Variants in NOTCH4 observed in about 807,000 individuals in gnomAD.
NOTCH4 encodes neurogenic locus notch homolog protein 4.
In NOTCH4, 138 loss-of-function variants were observed where a neutral mutation model predicts 189.0. The ratio of observed to expected loss-of-function variants is 0.73; its 90% confidence interval spans 0.64 to 0.84. The LOEUF (loss-of-function observed/expected upper bound fraction) is 0.84. Among genes scored for constraint, NOTCH4 ranks in the 40% least tolerant of loss-of-function variants. The probability of loss-of-function intolerance (pLI) is 0.00; values close to 1 mark genes in which losing one functional copy is unlikely to be tolerated. For missense variants in NOTCH4, 2,286 were observed against 2,605.4 expected, an observed-to-expected ratio of 0.88 and a Z score of 2.67; for synonymous variants, 942 against 1,032.8, an observed-to-expected ratio of 0.91 and a Z score of 1.69.
At chr6:32,204,530 G>T in intron 18 of NOTCH4, 141 bp from the exon 19 acceptor site, 1 of 915,412 alleles carries the variant, frequency 1.1e-6, no homozygotes, top group Non-Finnish European at 1.6e-6. Context: ...TCATGGCCAT[G>T]TGTCACAATC....
chr6:32,200,907 A>G lies in NOTCH4; in HGVS notation c.4239T>C (p.Ala1413=). ...WDPGLLLRFL[A]AMAAVGALEP... ...CCAGGGCTCCCACTGCAGCCATCGC[A>G]GCAAGGAAGCGGAGTAGAAGCCCAG... Residue 1413 remains alanine (A), a synonymous_variant, in exon 23 of 30, where the codon GCT becomes GCC. Coordinates refer to ENST00000375023, the MANE Select transcript of NOTCH4 (RefSeq NM_004557.4). This position sits in a 1 kb window ranked among gnomAD's most constrained non-coding sequence, Gnocchi z 5.0. 1 of 1,609,206 alleles carries G rather than the reference A, an allele frequency of 6.2e-7. No individual in the cohort carries two copies. The highest frequency in any genetic ancestry group is 8.5e-7 in the Non-Finnish European group (1 of 1,178,264).
At position 32,198,515 on chromosome 6, in the gene NOTCH4, C is replaced by CA. The variant is rs1356891568; in HGVS notation, c.4661dup (p.Ser1555GlufsTer20). 5 of 1,612,884 alleles carry CA rather than the reference C, an allele frequency of 3.1e-6. No homozygotes were observed. The highest frequency in any genetic ancestry group is 4.2e-6 in the Non-Finnish European group (5 of 1,180,020). On this transcript the variant is annotated frameshift_variant, in exon 26 of 30. Coordinates refer to ENST00000375023, the MANE Select transcript of NOTCH4 (RefSeq NM_004557.4). LOFTEE classifies it high-confidence loss of function. This position sits in a 1 kb window ranked among gnomAD's most constrained non-coding sequence, Gnocchi z 5.5. ...GAGGGAGCGCCCCACAGCCACCACT[C>CA]AGAGACCAGAGCTGGCACGTGGAGG...
Position 32,202,660 on chromosome 6 carries a change from A to C in NOTCH4, c.3232-61T>G. On this transcript the variant is annotated intron_variant, in intron 20 of 29. Coordinates refer to ENST00000375023, the MANE Select transcript of NOTCH4 (RefSeq NM_004557.4). This position sits in a 1 kb window ranked among gnomAD's most constrained non-coding sequence, Gnocchi z 5.7. ...TGCATTATTCTTCCCGCTCTCCATCAAGCAAACTCTTGGGTTAAGACGGTG... is the reference window on the plus strand; with the variant it reads ...TGCATTATTCTTCCCGCTCTCCATCCAGCAAACTCTTGGGTTAAGACGGTG... The C allele has an allele frequency of 6.8e-7, 1 of 1,463,808 alleles. No individual in the cohort carries two copies. Among genetic ancestry groups the C allele is most frequent in the South Asian group, 1.4e-5 (1 of 74,036 alleles). 90.7% of individuals were successfully genotyped at this position (1,463,808 alleles called of 1,614,324 possible). A position where few individuals can be genotyped will look rare whatever the true frequency, so the allele number is the denominator to read the frequency against.
intron 13 of NOTCH4, 90 bp downstream of exon 13, chr6:32,214,020 G>A (rs1561937212): frequency 6.7e-7 from 1 of 1,485,104 alleles, no homozygotes; most frequent in African/African-American, 1.4e-5. Context: ...CCTTAGTGGT[G>A]ACTGAGACTC....
intron 12 of NOTCH4, among the ~76,000 whole-genome samples, chr6:32,214,484 T>TATATATACAC (rs28383875): frequency 7.1e-6 from 1 of 141,176 alleles, no homozygotes; most frequent in African/African-American, 2.8e-5. Context: ...TATATATATA[T>TATATATACAC]ACACACATAT....
rs575962331 is a variant in NOTCH4 at position 32,202,931 on chromosome 6, G to T, written c.3232-332C>A. 9.2e-4 allele frequency: 179 copies of T among 193,614 alleles called. 2 individuals are homozygous for T. Among genetic ancestry groups the T allele is most frequent in the African/African-American group, 3.7e-3 (159 of 43,162 alleles). 12.0% of individuals were successfully genotyped at this position (193,614 alleles called of 1,614,324 possible). Reference sequence around the variant, plus strand: ...TTATTATTATTATTTTTGAGACAGAGTTTCGCTCTTGTTGTCCAGGCTGGA... The same window carrying T: ...TTATTATTATTATTTTTGAGACAGATTTTCGCTCTTGTTGTCCAGGCTGGA... On this transcript the variant is annotated intron_variant, in intron 20 of 29. Coordinates refer to ENST00000375023, the MANE Select transcript of NOTCH4 (RefSeq NM_004557.4). The surrounding 1 kb of genome is among the most constrained non-coding windows in gnomAD (Gnocchi z 5.7).
intron 28 of NOTCH4, 83 bp from the exon 29 acceptor site, chr6:32,196,504 G>A: frequency 3.3e-6 from 5 of 1,536,270 alleles, no homozygotes; most frequent in Non-Finnish European, 4.4e-6. Flanking sequence ...TGGCCTTGGG[G>A]GAAGGGCTAT....
Position 32,223,880 on chromosome 6 carries a change from A to G in NOTCH4, c.49T>C (p.Cys17Arg), listed in dbSNP as rs1789957273. 2 of 1,570,546 alleles carry G rather than the reference A, an allele frequency of 1.3e-6. No homozygotes were observed. Among genetic ancestry groups the G allele is most frequent in the East Asian group, 2.3e-5 (1 of 43,466 alleles). ...LLLLLLLLLL[C>R]VSVVRPRGLL... The stretch of plus-strand genomic sequence containing the variant: ...CCTCTGGGTCTGACCACTGAGACAC[A>G]TAGCAGCAGCAGCAGCAGCAGCAGC... Residue 17 changes from cysteine to arginine, a missense_variant, in exon 1 of 30, where the codon TGT becomes CGT. By Grantham distance (180) the Cys-to-Arg change is radical. Around this residue, in one of 2 missense-constraint regions of NOTCH4, gnomAD observed 1,903 missense variants for 2,261.9 expected, o/e 0.84. Coordinates refer to ENST00000375023, the MANE Select transcript of NOTCH4 (RefSeq NM_004557.4).
In NOTCH4 at chr6:32,201,448, T is replaced by C. The variant is rs747029675; in HGVS notation, c.3808A>G (p.Lys1270Glu). Residue 1270 changes from lysine to glutamate, a missense_variant, in exon 22 of 30, where the codon AAA becomes GAA. Lys to Glu is a moderately conservative substitution (Grantham distance 56). This residue lies in a region of NOTCH4 where 1,903 missense variants were observed against 2,261.9 expected (regional missense o/e 0.84). Transcript: ENST00000375023. This position sits in a 1 kb window ranked among gnomAD's most constrained non-coding sequence, Gnocchi z 5.5. ...HDHFHNGHCE[K>E]GCNTAECGWD... ...CCACACTCTGCAGTGTTGCAGCCTT[T>C]CTCACAGTGCCCGTTGTGGAAGTGA... 6.5e-7 allele frequency: 1 copy of C among 1,530,946 alleles called. No individual in the cohort carries two copies. Among genetic ancestry groups the C allele is most frequent in the Non-Finnish European group, 8.8e-7 (1 of 1,140,784 alleles). The allele number at this position is 1,530,946 out of a possible 1,614,324, so 94.8% of individuals were successfully genotyped here. A position where few individuals can be genotyped will look rare whatever the true frequency, so the allele number is the denominator to read the frequency against.
At chr6:32,211,034 G>A (rs1788983352) in intron 17 of NOTCH4, 98 bp from the exon 18 acceptor site, 5 of 1,140,424 alleles carry the variant, frequency 4.4e-6, no homozygotes, top group Non-Finnish European at 6.1e-6. Context: ...GCCGAGGCAG[G>A]TGGATCACCA....
Position 32,209,716 on chromosome 6 carries a change from C to G in NOTCH4, c.2865+1036G>C, listed in dbSNP as rs564739386. On this transcript the variant is annotated intron_variant, in intron 18 of 29. Coordinates refer to ENST00000375023, the MANE Select transcript of NOTCH4 (RefSeq NM_004557.4). ...TGCCCAACATGGTGAAACCCCATCT[C>G]TACTAAAAATACAAAAATTAGCCAG... Among the ~76,000 whole-genome samples, 6 of 152,122 alleles carry G rather than the reference C, an allele frequency of 3.9e-5. No individual in the cohort carries two copies. In the East Asian group the frequency reaches 9.7e-4, roughly 25 times the overall value.
Position 32,196,915 on chromosome 6 carries a change from C to T in NOTCH4, c.5200+10G>A. ...TCTCTATAGCATACATCACCCCTTC[C>T]TCTACATACCCCATTTATCTCTGGC... On this transcript the variant is annotated intron_variant, in intron 28 of 29. Coordinates refer to ENST00000375023, the MANE Select transcript of NOTCH4 (RefSeq NM_004557.4). The T allele has an allele frequency of 6.2e-7, 1 of 1,612,878 alleles. No individual in the cohort carries two copies. Among genetic ancestry groups the T allele is most frequent in the Non-Finnish European group, 8.5e-7 (1 of 1,180,004 alleles).
At chr6:32,196,467 G>T in intron 28 of NOTCH4, 46 bp from the exon 29 acceptor site, 5 of 1,601,414 alleles carry the variant, frequency 3.1e-6, no homozygotes, top group Non-Finnish European at 3.4e-6. Context: ...GGGGCCAGAC[G>T]CCTGGGTTCC....
rs1788899864 is a variant in NOTCH4, at chr6:32,209,778, G to A, written c.2865+974C>T. On this transcript the variant is annotated intron_variant, in intron 18 of 29. Coordinates refer to ENST00000375023, the MANE Select transcript of NOTCH4 (RefSeq NM_004557.4). ...CGTTCCTGTAATCCCAGCTACTCGG[G>A]AGGCTGAGACATGAGAACTGCTTGA... Among the ~76,000 whole-genome samples the A allele has an allele frequency of 3.9e-5, 6 of 152,096 alleles. No homozygotes were observed. The South Asian group carries it at 1.2e-3, about 32-fold the overall frequency.
rs2127487430 is a variant in NOTCH4 at position 32,220,508 on chromosome 6, A to G, written c.1056T>C (p.Cys352=). The G allele has an allele frequency of 6.8e-6, 11 of 1,613,486 alleles. No homozygotes were observed. Among genetic ancestry groups the G allele is most frequent in the Non-Finnish European group, 9.3e-6 (11 of 1,180,020 alleles). ...VCVSGWGGTS[C]EENLDDCIAA... Reference sequence around the variant, plus strand: ...CAATACAGTCATCCAGGTTCTCCTCACAGCTTGTGCCGCCCCAGCCACTCA... The same window carrying G: ...CAATACAGTCATCCAGGTTCTCCTCGCAGCTTGTGCCGCCCCAGCCACTCA... The change falls in exon 6 of 30, where the codon TGT becomes TGC. Residue 352 remains cysteine, a synonymous_variant. Transcript: ENST00000375023.
chr6:32,197,630 G>C, intron 26 of NOTCH4, 36 bp from the exon 27 acceptor site: 1 of 1,554,284 alleles, frequency 6.4e-7, no homozygotes, highest in Admixed American at 1.9e-5. Flanking sequence ...CAATCTAAAG[G>C]ACACAACAAG....
intron 3 of NOTCH4, 45 bp downstream of exon 3, chr6:32,222,466 A>G: frequency 6.8e-7 from 1 of 1,475,130 alleles, no homozygotes; most frequent in Non-Finnish European, 9.0e-7. Context: ...AGCCTAGCCC[A>G]TTGCTCCTGC....
chr6:32,213,234 C>G lies in NOTCH4; in HGVS notation c.2339G>C (p.Gly780Ala), dbSNP rs753843685. 6.2e-7 allele frequency: 1 copy of G among 1,613,464 alleles called. No individual in the cohort carries two copies. Among genetic ancestry groups the G allele is most frequent in the South Asian group, 1.1e-5 (1 of 91,068 alleles). Residue 780 changes from glycine (G) to alanine (A), a missense_variant, in exon 15 of 30, where the codon GGT (glycine) becomes GCT (alanine). By Grantham distance (60) the Gly-to-Ala change is moderately conservative. Around this residue, in one of 2 missense-constraint regions of NOTCH4, gnomAD observed 1,903 missense variants for 2,261.9 expected, o/e 0.84. Transcript: ENST00000375023. ...YCVSAPCFNG[G>A]TCVNRPGTFS... ...GGTGCCAGGCCTGTTCACACAGGTA[C>G]CCCCATTGAAGCACGGGGCTGGAGA...
Position 32,195,195 on chromosome 6 carries a change from G to A in NOTCH4, c.*242C>T, listed in dbSNP as rs1227906138. On this transcript the variant is annotated 3_prime_UTR_variant, in exon 30 of 30. Coordinates refer to ENST00000375023, the MANE Select transcript of NOTCH4 (RefSeq NM_004557.4). This position sits in a 1 kb window ranked among gnomAD's most constrained non-coding sequence, Gnocchi z 5.4. ...TTCCACTCCACTCTGCCCTCCTGTG[G>A]CCTGTCTTATTTTCTGGAGGAGGAC... The A allele has an allele frequency of 1.9e-6, 1 of 532,150 alleles. No homozygotes were observed. Among genetic ancestry groups the A allele is most frequent in the Non-Finnish European group, 3.3e-6 (1 of 304,402 alleles). The allele number at this position is 532,150 out of a possible 1,614,324, so 33.0% of individuals were successfully genotyped here.
Sources: allele counts gnomAD v4.1 joint callset (sites outside exome capture counted in the v4.1 genomes callset), GRCh38; gene constraint gnomAD v4.1.1; regional missense constraint gnomAD v4.1.1; non-coding constraint Gnocchi (gnomAD v3.1); transcripts MANE v1.5; gene names NCBI Gene and HGNC (gene_info 2026-07-23, HGNC 2026-07-21).